The following MUC22 variants were observed in gnomAD, a reference collection of about 807,000 sequenced individuals.
The protein encoded by MUC22 is mucin-22.
A neutral mutation model predicts 40.3 loss-of-function variants in MUC22; 24 were observed. The observed-to-expected ratio is 0.60, with a 90% CI of 0.43 to 0.84. The LOEUF (loss-of-function observed/expected upper bound fraction) is 0.84, where lower values mean the gene tolerates loss of function less well. MUC22 is among the 40% of genes least tolerant of loss of function. The probability of loss-of-function intolerance (pLI) is 0.00; values close to 1 mark genes in which losing one functional copy is unlikely to be tolerated. For missense variants in MUC22, 1,926 were observed against 2,130.7 expected (o/e 0.90, Z 1.89); for synonymous variants, 765 against 844.5 (o/e 0.91, Z 1.63).
chr6:31,010,854 C>A (rs1763816445), intron 1 of MUC22, 78 bp downstream of exon 1: 16 of 671,614 alleles, frequency 2.4e-5, no homozygotes, highest in South Asian at 2.4e-4. Context: ...AATCCCCTGC[C>A]CAGGCATGAC....
At chr6:31,031,661 C>G (rs115779516) in intron 2 of MUC22, among the ~76,000 whole-genome samples, 1 of 151,992 alleles carries the variant, frequency 6.6e-6, no homozygotes, top group Non-Finnish European at 1.5e-5. Flanking sequence ...TTATCCCTCG[C>G]CCCCTCCCAC....
intron 1 of MUC22, among the ~76,000 whole-genome samples, chr6:31,015,067 T>C (rs1368627218): frequency 6.6e-6 from 1 of 152,184 alleles, no homozygotes; most frequent in Non-Finnish European, 1.5e-5. Flanking sequence ...CTGGTTTGAA[T>C]AATTCCTGTG....
chr6:31,010,869 C>A lies in MUC22; in HGVS notation c.70+93C>A. On this transcript the variant is annotated intron_variant, in intron 1 of 3. Transcript: ENST00000561890. ...AATCCCCTGCCCAGGCATGACTCTT[C>A]TTCCAGAAACAATGATGATTCATTT... 4 of 642,196 alleles carry A rather than the reference C, an allele frequency of 6.2e-6. No individual in the cohort carries two copies. The Middle Eastern group carries it at 1.1e-3, about 169-fold the overall frequency. The allele number at this position is 642,196 out of a possible 1,614,324, so 39.8% of individuals were successfully genotyped here. A position where few individuals can be genotyped will look rare whatever the true frequency, so the allele number is the denominator to read the frequency against.
exon 1 of MUC22, chr6:31,010,647 C>T: frequency 1.4e-6 from 1 of 701,668 alleles, no homozygotes; most frequent in Non-Finnish European, 2.6e-6. Context: ...GCCTCTTTGA[C>T]CTATCCTTCC....
In MUC22 at chr6:31,028,724, C is replaced by A. The variant is rs182720284; in HGVS notation, c.3293C>A (p.Thr1098Asn). 88 of 1,531,336 alleles carry A rather than the reference C, an allele frequency of 5.7e-5. 1 individual carries two copies. Among genetic ancestry groups the A allele is most frequent in the African/African-American group, 5.2e-4 (38 of 72,758 alleles). 94.9% of individuals were successfully genotyped at this position (1,531,336 alleles called of 1,614,324 possible). ...GCAGGCTCTGAGACCACCACCACCA[C>A]CTCTACTGAAGGCTCTGAGACCACT... The change falls in exon 2 of 4, where the codon ACC becomes AAC. Residue 1098 changes from threonine (T) to asparagine (N), a missense_variant. Thr to Asn is a moderately conservative substitution (Grantham distance 65, BLOSUM62 0). Around this residue, in one of 3 missense-constraint regions of MUC22, gnomAD observed 1,281 missense variants for 1,337.8 expected, o/e 0.96. Coordinates refer to ENST00000561890, the Ensembl canonical transcript of MUC22.
upstream of MUC22, among the ~76,000 whole-genome samples, chr6:31,007,771 A>G (rs1188582793): frequency 6.6e-6 from 1 of 152,148 alleles, no homozygotes; most frequent in African/African-American, 2.4e-5. The surrounding 1 kb of genome is among the most constrained non-coding windows in gnomAD (Gnocchi z 4.0). Context: ...ACTCTCTAAA[A>G]CAAACCCAAG....
intron 1 of MUC22, among the ~76,000 whole-genome samples, chr6:31,022,032 C>G (rs923899345): frequency 6.6e-6 from 1 of 152,002 alleles, no homozygotes; most frequent in Non-Finnish European, 1.5e-5. Flanking sequence ...CACGCATGGG[C>G]TTAAGAGTTG....
At chr6:31,008,147 G>A (rs1763629258), upstream of MUC22, among the ~76,000 whole-genome samples, 1 of 152,244 alleles carries the variant, frequency 6.6e-6, no homozygotes, top group South Asian at 2.1e-4. Context: ...TTATAATGGC[G>A]AAGAGCACAG....
chr6:31,030,120 C>A lies in MUC22; in HGVS notation c.4669+20C>A. On this transcript the variant is annotated intron_variant, in intron 2 of 3. Transcript: ENST00000561890. ...TGTCAGGTACTAACCCCCATGTCTTCTTTGAGCCCACACATTTTAACTCCA... is the reference window on the plus strand; with the variant it reads ...TGTCAGGTACTAACCCCCATGTCTTATTTGAGCCCACACATTTTAACTCCA... 6.7e-7 allele frequency: 1 copy of A among 1,492,448 alleles called. No individual in the cohort carries two copies. The highest frequency in any genetic ancestry group is 2.2e-5 in the Admixed American group (1 of 46,074). The allele number at this position is 1,492,448 out of a possible 1,614,324, so 92.5% of individuals were successfully genotyped here.
At chr6:31,020,907 G>A (rs1352574432) in intron 1 of MUC22, among the ~76,000 whole-genome samples, 7 of 152,334 alleles carry the variant, frequency 4.6e-5, no homozygotes, top group African/African-American at 9.6e-5. Context: ...CAGCAGTGCC[G>A]GCCCACTGGC....
chr6:31,009,455 C>T (rs1763724977), upstream of MUC22, among the ~76,000 whole-genome samples: 1 of 152,198 alleles, frequency 6.6e-6, no homozygotes, highest in Non-Finnish European at 1.5e-5. Flanking sequence ...GAAGCCTCCC[C>T]TGCCTCCTCC....
exon 2 of MUC22, chr6:31,028,013 C>T: frequency 6.5e-7 from 1 of 1,532,544 alleles, no homozygotes; most frequent in African/African-American, 1.4e-5. Flanking sequence ...GCATCTACTG[C>T]AGATTCTGAG....
At chr6:31,016,750 C>A (rs78830964) in intron 1 of MUC22, among the ~76,000 whole-genome samples, 1 of 152,194 alleles carries the variant, frequency 6.6e-6, no homozygotes, top group Non-Finnish European at 1.5e-5. Flanking sequence ...CTGGGCTGGC[C>A]GAGGCCGGAG....
intron 1 of MUC22, among the ~76,000 whole-genome samples, chr6:31,023,114 A>G (rs28360984): frequency 0.06 from 9,111 of 151,928 alleles, 346 homozygotes; most frequent in South Asian, 0.12. Context: ...TGAGTGACAG[A>G]TCAAGACGCT....
exon 2 of MUC22, chr6:31,028,339 G>C (rs1369648267): frequency 2.0e-6 from 3 of 1,531,714 alleles, no homozygotes; most frequent in Non-Finnish European, 1.7e-6. Flanking sequence ...CACTTCTACT[G>C]AAGGCTCTGA....
chr6:31,017,205 G>A (rs941380910), intron 1 of MUC22, among the ~76,000 whole-genome samples: 4 of 152,248 alleles, frequency 2.6e-5, no homozygotes, highest in African/African-American at 7.2e-5. Flanking sequence ...TGGGACTGAC[G>A]GGCAGCTCCA....
At chr6:31,022,389 C>A (rs769856241) in intron 1 of MUC22, among the ~76,000 whole-genome samples, 4 of 152,028 alleles carry the variant, frequency 2.6e-5, no homozygotes, top group African/African-American at 9.7e-5. Context: ...GTATCGAACT[C>A]CTGGTGATCT....
At position 31,011,319 on chromosome 6, in the gene MUC22, A is replaced by G. The variant is rs1171671855; in HGVS notation, c.70+543A>G. 6.6e-6 allele frequency among the ~76,000 whole-genome samples: 1 copy of G among 151,982 alleles called. No homozygotes were observed. Among genetic ancestry groups the G allele is most frequent in the Non-Finnish European group, 1.5e-5 (1 of 67,998 alleles). ...AAGCAGTGTACACCGCACCCACCCTATCTGTAGTCTTTTATCTCTCGTGCC... is the reference window on the plus strand; with the variant it reads ...AAGCAGTGTACACCGCACCCACCCTGTCTGTAGTCTTTTATCTCTCGTGCC... On this transcript the variant is annotated intron_variant, in intron 1 of 3. Transcript: ENST00000561890. The surrounding 1 kb of genome is among the most constrained non-coding windows in gnomAD (Gnocchi z 4.5).
chr6:31,034,744 G>A (rs1169081091), exon 4 of MUC22: 2 of 1,535,596 alleles, frequency 1.3e-6, no homozygotes, highest in Admixed American at 2.0e-5. Context: ...CCTTGGTCTG[G>A]ACCTGAACTT....
Sources: gnomAD v4.1 joint callset for allele counts (sites outside exome capture counted in the v4.1 genomes callset) on GRCh38, gnomAD v4.1.1 for gene constraint, gnomAD v4.1.1 regional missense constraint, Gnocchi (gnomAD v3.1) non-coding constraint, MANE v1.5 for transcripts, NCBI Gene and HGNC (gene_info 2026-07-23, HGNC 2026-07-21) for gene names.